Variants in TMEM150B observed in about 807,000 individuals in gnomAD.
TMEM150B encodes modulator of macroautophagy TMEM150B.
Under a neutral mutation model 25.2 loss-of-function variants are expected in TMEM150B, and 33 were observed. That is an observed-to-expected ratio of 1.31 (90% CI 0.99 to 1.75). TMEM150B has a LOEUF of 1.75. TMEM150B is among the 40% of genes most tolerant of loss of function. The probability of loss-of-function intolerance (pLI) is 0.00; values close to 1 mark genes in which losing one functional copy is unlikely to be tolerated. For synonymous variants in TMEM150B, 133 were observed against 134.8 expected (o/e 0.99, Z 0.09); for missense variants, 322 against 306.1 (o/e 1.05, Z -0.39).
chr19:55,321,803 C>T (rs911291938), intron 2 of TMEM150B, among the ~76,000 whole-genome samples: 2 of 152,130 alleles, frequency 1.3e-5, no homozygotes, highest in Admixed American at 6.6e-5. Flanking sequence ...CTTACCTACT[C>T]GGGTACCCAA....
At chr19:55,310,679 C>A (rs2088767181), downstream of TMEM150B, among the ~76,000 whole-genome samples, 1 of 152,164 alleles carries the variant, frequency 6.6e-6, no homozygotes, top group South Asian at 2.1e-4. The surrounding 1 kb of genome is among the most constrained non-coding windows in gnomAD (Gnocchi z 5.0). Flanking sequence ...ATTCACAGAA[C>A]AGCCCCCCAC....
chr19:55,324,362 C>G (rs984314968), intron 1 of TMEM150B, among the ~76,000 whole-genome samples: 6 of 150,318 alleles, frequency 4.0e-5, no homozygotes, highest in African/African-American at 1.5e-4. Flanking sequence ...AAAAAATTAG[C>G]TGGGTGGCCG....
chr19:55,313,436 C>T (rs957592193), intron 7 of TMEM150B, among the ~76,000 whole-genome samples: 1 of 135,600 alleles, frequency 7.4e-6, no homozygotes, highest in Admixed American at 7.5e-5. Context: ...CCCTCCCTGC[C>T]GCCAGCCTCG....
At chr19:55,324,843 C>T (rs2089294434) in intron 1 of TMEM150B, 1 of 985,222 alleles carries the variant, frequency 1.0e-6, no homozygotes, top group African/African-American at 1.7e-5. Flanking sequence ...TGAGCCACCC[C>T]CTGCCCTCAG....
intron 1 of TMEM150B, chr19:55,324,691 A>G: frequency 1.0e-6 from 1 of 969,862 alleles, no homozygotes; most frequent in Non-Finnish European, 1.2e-6. Flanking sequence ...TAAAAAATAA[A>G]TCCTGTCCCA....
At chr19:55,312,353 TG>T (rs2088822261), downstream of TMEM150B, 2 of 200,002 alleles carry the variant, frequency 1.0e-5, no homozygotes, top group South Asian at 3.3e-4. Context: ...GGGAGCTGGT[TG>T]GGGTGGCTTA....
chr19:55,311,433 A>T (rs1030600576), downstream of TMEM150B, among the ~76,000 whole-genome samples: 2 of 152,178 alleles, frequency 1.3e-5, no homozygotes, highest in African/African-American at 4.8e-5. Flanking sequence ...AGGCTGGCCC[A>T]GCATGAGGGG....
chr19:55,319,884 C>G (rs1569002064), intron 6 of TMEM150B, 155 bp downstream of exon 6: 3 of 1,445,986 alleles, frequency 2.1e-6, no homozygotes, highest in Non-Finnish European at 2.7e-6. Flanking sequence ...GGAATCCAGC[C>G]GGTCCAAGGC....
intron 2 of TMEM150B, 133 bp from the exon 3 acceptor site, chr19:55,321,226 AT>A: frequency 7.9e-7 from 1 of 1,271,654 alleles, no homozygotes; most frequent in Non-Finnish European, 1.0e-6. Flanking sequence ...TTTCCAGGCA[AT>A]TTCCCCACCT....
chr19:55,312,726 C>G, downstream of TMEM150B: 2 of 1,053,408 alleles, frequency 1.9e-6, no homozygotes, highest in Non-Finnish European at 2.7e-6. Context: ...TCCTCCGGCT[C>G]CAGGTCAGTC....
At chr19:55,321,595 C>T (rs747628706) in intron 2 of TMEM150B, among the ~76,000 whole-genome samples, 1 of 152,080 alleles carries the variant, frequency 6.6e-6, no homozygotes, top group South Asian at 2.1e-4. Context: ...GCAGGCAGCA[C>T]CTTAGCTTCA....
downstream of TMEM150B, chr19:55,311,976 G>T (rs12978445): frequency 2.4e-6 from 3 of 1,256,810 alleles, no homozygotes; most frequent in East Asian, 4.4e-5. Flanking sequence ...GCCCCCACCC[G>T]GCCGCCCAGA....
At chr19:55,318,915 T>A (rs187959106) in intron 6 of TMEM150B, among the ~76,000 whole-genome samples, 1 of 151,804 alleles carries the variant, frequency 6.6e-6, no homozygotes, top group African/African-American at 2.4e-5. Context: ...ATCCTCCATC[T>A]TCCCACCTCA....
Position 55,321,059 on chromosome 19 carries a change from TCG to T in TMEM150B, c.-25_-24del, listed in dbSNP as rs756964220. ...CATGCCGGGCTCTGCAGGTGAAGGA[TCG>T]GGGCTGAGGCTGGACACCTGTCTCT... On this transcript the variant is annotated 5_prime_UTR_variant, in exon 3 of 8. Coordinates refer to ENST00000326652, the MANE Select transcript of TMEM150B (RefSeq NM_001282011.2). 1 of 1,608,544 alleles carries T rather than the reference TCG, an allele frequency of 6.2e-7. No homozygotes were observed. Among genetic ancestry groups the T allele is most frequent in the Non-Finnish European group, 8.5e-7 (1 of 1,177,250 alleles).
At chr19:55,317,736 G>A (rs1458001178) in intron 6 of TMEM150B, among the ~76,000 whole-genome samples, 5 of 151,352 alleles carry the variant, frequency 3.3e-5, no homozygotes, top group South Asian at 2.1e-4. Flanking sequence ...AGCCAAGATC[G>A]CACCATTGCA....
chr19:55,313,170 T>G lies in TMEM150B; in HGVS notation c.506-115A>C, dbSNP rs1027429475. ...CTCTGGGTGTCCCCATCCTCAGCTC[T>G]CCCCTTCCCCCGTAGCTCCTCACAG... is the stretch of plus-strand genomic sequence containing the variant. On this transcript the variant is annotated intron_variant, in intron 7 of 7. Coordinates refer to ENST00000326652, the MANE Select transcript of TMEM150B (RefSeq NM_001282011.2). The G allele has an allele frequency of 6.5e-6, 7 of 1,077,726 alleles. No homozygotes were observed. The African/African-American group carries it at 1.1e-4, about 17-fold the overall frequency. The allele number at this position is 1,077,726 out of a possible 1,614,324, so 66.8% of individuals were successfully genotyped here.
chr19:55,315,824 G>A (rs1475486566), intron 7 of TMEM150B, among the ~76,000 whole-genome samples: 1 of 152,050 alleles, frequency 6.6e-6, no homozygotes, highest in African/African-American at 2.4e-5. Context: ...CAGCTACGTG[G>A]AAGGCTGAGG....
downstream of TMEM150B, among the ~76,000 whole-genome samples, chr19:55,309,947 C>T (rs889912876): frequency 3.3e-5 from 5 of 152,168 alleles, no homozygotes; most frequent in African/African-American, 9.7e-5. Flanking sequence ...CCTCACAGGA[C>T]CCATGCCCCT....
At chr19:55,320,348 C>T (rs758497397) in intron 5 of TMEM150B, 43 bp downstream of exon 5, 15 of 1,508,400 alleles carry the variant, frequency 9.9e-6, no homozygotes, top group Non-Finnish European at 1.3e-5. Context: ...ACTCGCTTGG[C>T]TGGGCTTGGG....
Sources: allele counts gnomAD v4.1 joint callset (sites outside exome capture counted in the v4.1 genomes callset), GRCh38; gene constraint gnomAD v4.1.1; non-coding constraint Gnocchi (gnomAD v3.1); transcripts MANE v1.5; gene names NCBI Gene and HGNC (gene_info 2026-07-23, HGNC 2026-07-21).